The following TK1 variants were observed in gnomAD, a reference collection of about 807,000 sequenced individuals.
TK1 encodes the protein thymidine kinase 1.
TK1 carries 13 observed loss-of-function variants against 22.4 expected under a neutral mutation model. That is an observed-to-expected ratio of 0.58 (90% CI 0.38 to 0.92). The LOEUF is 0.92. Among genes scored for constraint, TK1 ranks in the 40% least tolerant of loss-of-function variants. The pLI is 0.00. For missense variants in TK1, 251 were observed against 315.7 expected, an observed-to-expected ratio of 0.80 and a Z score of 1.55; for synonymous variants, 134 against 125.4, an observed-to-expected ratio of 1.07 and a Z score of -0.46.
At chr17:78,181,646 A>G (rs1156413700) in intron 4 of TK1, among the ~76,000 whole-genome samples, 1 of 152,068 alleles carries the variant, frequency 6.6e-6, no homozygotes, top group Non-Finnish European at 1.5e-5. Context: ...GCAGCTTCCC[A>G]TCTATACCTC....
At chr17:78,181,590 C>T (rs2075738041) in intron 4 of TK1, among the ~76,000 whole-genome samples, 1 of 151,656 alleles carries the variant, frequency 6.6e-6, no homozygotes, top group Non-Finnish European at 1.5e-5. Context: ...CTCTTGCTGC[C>T]CAGCTTAAAC....
intron 4 of TK1, among the ~76,000 whole-genome samples, chr17:78,181,184 G>T (rs562382720): frequency 3.9e-5 from 6 of 152,192 alleles, no homozygotes; most frequent in Non-Finnish European, 5.9e-5. Context: ...GGCGGAGGTT[G>T]CTGTGAGCTA....
At chr17:78,186,331 C>T (rs2075792968) in intron 2 of TK1, among the ~76,000 whole-genome samples, 1 of 152,116 alleles carries the variant, frequency 6.6e-6, no homozygotes, top group Non-Finnish European at 1.5e-5. Flanking sequence ...GTTCTATCAC[C>T]TCAGGAGAGC....
intron 4 of TK1, chr17:78,179,307 C>A (rs2145824901): frequency 4.1e-6 from 4 of 985,458 alleles, no homozygotes; most frequent in South Asian, 4.7e-5. Flanking sequence ...ACAGCTGCAG[C>A]CCTATTCCCA....
intron 3 of TK1, among the ~76,000 whole-genome samples, chr17:78,184,400 G>A (rs1243026867): frequency 1.3e-5 from 2 of 152,216 alleles, no homozygotes; most frequent in African/African-American, 4.8e-5. Context: ...AAGTCCAGAG[G>A]ACCAAGCAAA....
chr17:78,175,505 C>T (rs1269498131), intron 5 of TK1, 24 bp downstream of exon 5: 4 of 1,607,590 alleles, frequency 2.5e-6, no homozygotes, highest in Non-Finnish European at 2.6e-6. Flanking sequence ...AATCCCAGCT[C>T]CAGACCTGGA....
chr17:78,181,473 G>A (rs533915230), intron 4 of TK1, among the ~76,000 whole-genome samples: 3 of 151,176 alleles, frequency 2.0e-5, no homozygotes, highest in East Asian at 3.9e-4. Flanking sequence ...GGGTGGCAGA[G>A]GTTGCAGTGA....
Position 78,175,592 on chromosome 17 carries a change from C to T in TK1, c.330G>A (p.Glu110=). Residue 110 remains glutamate (E), a synonymous_variant, in exon 5 of 7, where the codon GAG becomes GAA. Coordinates refer to ENST00000301634, the MANE Select transcript of TK1 (RefSeq NM_003258.5). ...QFFPDIVEFC[E]AMANAGKTVI... is the part of the protein sequence containing the mutation. Reference sequence around the variant, plus strand: ...CGGTCTTCCCGGCGTTGGCCATGGCCTCGCAGAACTCCACGATGTCAGGGA... The same window carrying T: ...CGGTCTTCCCGGCGTTGGCCATGGCTTCGCAGAACTCCACGATGTCAGGGA... 2.5e-6 allele frequency: 4 copies of T among 1,613,720 alleles called. No individual in the cohort carries two copies. Among genetic ancestry groups the T allele is most frequent in the Non-Finnish European group, 3.4e-6 (4 of 1,179,846 alleles).
At chr17:78,175,649 G>A in intron 4 of TK1, 31 bp from the exon 5 acceptor site, 1 of 1,596,294 alleles carries the variant, frequency 6.3e-7, no homozygotes. Context: ...AAGAGTGTGA[G>A]AGCTTCCACC....
intron 4 of TK1, among the ~76,000 whole-genome samples, chr17:78,181,253 T>A (rs57713198): frequency 6.0e-5 from 9 of 148,786 alleles, no homozygotes; most frequent in Non-Finnish European, 1.0e-4. Context: ...TCAAAAAAAA[T>A]AAAAATTAAA....
rs772373348 is a variant in TK1, at chr17:78,187,012, C to G, written c.-18G>C. On this transcript the variant is annotated 5_prime_UTR_variant, in exon 1 of 7. Transcript: ENST00000301634. ...CAGCTCATTGCGCCTCCGGGAAGTT[C>G]ACGAACCCGAGTACTCTCCAAGGCC... 4 of 1,588,498 alleles carry G rather than the reference C, an allele frequency of 2.5e-6. No homozygotes were observed. In the South Asian group the frequency reaches 3.4e-5, roughly 14 times the overall value.
intron 4 of TK1, 46 bp downstream of exon 4, chr17:78,182,543 G>C: frequency 6.9e-7 from 1 of 1,454,368 alleles, no homozygotes; most frequent in Middle Eastern, 1.7e-4. Flanking sequence ...CGGGAGGACA[G>C]AGCGGAAGCT....
rs889935599 is a variant in TK1, at chr17:78,179,686, G to A, written c.303+2903C>T. On this transcript the variant is annotated intron_variant, in intron 4 of 6. Transcript: ENST00000301634. Reference sequence around the variant, plus strand: ...CCGGGCAGGGTATTCAGGCCAGAGCGGCCTGGCTCTGTGCTGGGAGGCAGG... The same window carrying A: ...CCGGGCAGGGTATTCAGGCCAGAGCAGCCTGGCTCTGTGCTGGGAGGCAGG... The A allele has an allele frequency of 7.7e-5, 76 of 985,446 alleles. No homozygotes were observed. The African/African-American group carries it at 1.3e-3, about 16-fold the overall frequency. 61.0% of individuals were successfully genotyped at this position (985,446 alleles called of 1,614,324 possible).
chr17:78,174,661 C>A lies in TK1; in HGVS notation c.*98G>T, dbSNP rs545382294. 7.9e-6 allele frequency: 11 copies of A among 1,385,102 alleles called. No individual in the cohort carries two copies. The Admixed American group carries it at 1.3e-4, about 17-fold the overall frequency. The allele number at this position is 1,385,102 out of a possible 1,614,324, so 85.8% of individuals were successfully genotyped here. A position where few individuals can be genotyped will look rare whatever the true frequency, so the allele number is the denominator to read the frequency against. ...AAGGCCAAGGTGTGGTCACCCTCCA[C>A]GCCTCCCGACTTCCTCCTGGAGTGG... On this transcript the variant is annotated 3_prime_UTR_variant, in exon 7 of 7. Coordinates refer to ENST00000301634, the MANE Select transcript of TK1 (RefSeq NM_003258.5).
chr17:78,183,246 G>A (rs2075750547), intron 3 of TK1, among the ~76,000 whole-genome samples: 1 of 152,070 alleles, frequency 6.6e-6, no homozygotes, highest in Non-Finnish European at 1.5e-5. Flanking sequence ...CAGGAGCTGG[G>A]GGCAGACTAG....
intron 4 of TK1, among the ~76,000 whole-genome samples, chr17:78,177,286 G>T (rs2075707653): frequency 6.6e-6 from 1 of 152,216 alleles, no homozygotes; most frequent in Non-Finnish European, 1.5e-5. Context: ...ACCACAAGTG[G>T]AAAATTCCAC....
chr17:78,187,113 G>A (rs926950882), upstream of TK1: 3 of 1,182,522 alleles, frequency 2.5e-6, no homozygotes, highest in Non-Finnish European at 2.5e-6. Context: ...AGCCGGCCCC[G>A]CCGCCATGGG....
At chr17:78,175,756 C>A in intron 4 of TK1, 138 bp from the exon 5 acceptor site, 1 of 705,982 alleles carries the variant, frequency 1.4e-6, no homozygotes, top group South Asian at 1.8e-5. Context: ...CCACGAGGCT[C>A]CCCAGGCCGG....
At chr17:78,177,294 C>T (rs1477532666) in intron 4 of TK1, among the ~76,000 whole-genome samples, 1 of 152,210 alleles carries the variant, frequency 6.6e-6, no homozygotes, top group South Asian at 2.1e-4. Flanking sequence ...TGGAAAATTC[C>T]ACACCTGACC....
Sources: gnomAD v4.1 joint callset for allele counts (sites outside exome capture counted in the v4.1 genomes callset) on GRCh38, gnomAD v4.1.1 for gene constraint, MANE v1.5 for transcripts, NCBI Gene and HGNC (gene_info 2026-07-23, HGNC 2026-07-21) for gene names.